PLD3: variants seen among roughly 807,000 people sequenced by gnomAD.
PLD3 encodes the protein phospholipase D family member 3.
Under a neutral mutation model 58.4 loss-of-function variants are expected in PLD3, and 31 were observed. The observed-to-expected ratio is 0.53, with a 90% CI of 0.40 to 0.72. The LOEUF (loss-of-function observed/expected upper bound fraction) is 0.72, where lower values mean the gene tolerates loss of function less well. Among genes scored for constraint, PLD3 ranks in the 30% least tolerant of loss-of-function variants. The pLI, the probability that PLD3 is intolerant of heterozygous loss-of-function variation, is 0.00. For synonymous variants in PLD3, 264 were observed against 273.4 expected (o/e 0.97, Z 0.34); for missense variants, 595 against 659.8 (o/e 0.90, Z 1.08).
chr19:40,371,219 T>C (rs930669302), intron 8 of PLD3, among the ~76,000 whole-genome samples: 2 of 152,168 alleles, frequency 1.3e-5, no homozygotes, highest in African/African-American at 4.8e-5. Flanking sequence ...TCAGCAATTA[T>C]GCAGGGAGAT....
At chr19:40,369,178 G>A (rs1303647902) in intron 6 of PLD3, among the ~76,000 whole-genome samples, 2 of 151,970 alleles carry the variant, frequency 1.3e-5, no homozygotes, top group African/African-American at 4.8e-5. Context: ...CTCCCTGCTG[G>A]CTCCCTCTAA....
At chr19:40,352,734 A>AGGCAGATCACTTGAGCCC (rs2078550204) in intron 1 of PLD3, among the ~76,000 whole-genome samples, 4 of 152,072 alleles carry the variant, frequency 2.6e-5, no homozygotes. Context: ...AGGTTGAGGT[A>AGGCAGATCACTTGAGCCC]GGCAGATCAC....
intron 1 of PLD3, among the ~76,000 whole-genome samples, chr19:40,353,684 T>C (rs2078576180): frequency 1.3e-5 from 2 of 148,456 alleles, no homozygotes; most frequent in African/African-American, 2.5e-5. Context: ...GTTCACACCA[T>C]CCTCCTGCCT....
rs7368 is a variant in PLD3, at chr19:40,378,245, G to A, written c.*72G>A. 3,368 of 1,425,308 alleles carry A rather than the reference G, an allele frequency of 2.4e-3. 38 individuals are homozygous for A. In the African/African-American group the frequency reaches 0.03, roughly 13 times the overall value. The allele number at this position is 1,425,308 out of a possible 1,614,324, so 88.3% of individuals were successfully genotyped here. A position where few individuals can be genotyped will look rare whatever the true frequency, so the allele number is the denominator to read the frequency against. On this transcript the variant is annotated 3_prime_UTR_variant, in exon 13 of 13. Transcript: ENST00000409735. ...CCAGGTGCTCTGGGTCACGGTCCCTGTCCCCGCGCCCCCGCTTCTGTCTGC... is the reference window on the plus strand; with the variant it reads ...CCAGGTGCTCTGGGTCACGGTCCCTATCCCCGCGCCCCCGCTTCTGTCTGC...
chr19:40,370,041 C>T lies in PLD3; in HGVS notation c.550+13C>T. 6.4e-7 allele frequency: 1 copy of T among 1,566,698 alleles called. No individual in the cohort carries two copies. Among genetic ancestry groups the T allele is most frequent in the Non-Finnish European group, 8.7e-7 (1 of 1,156,042 alleles). On this transcript the variant is annotated intron_variant, in intron 7 of 12. Transcript: ENST00000409735. ...CTGCTGCAGAGCGGTGAGCTGGGGC[C>T]CAACTGGGGCTGGTCTGGGCCTGGG...
intron 9 of PLD3, among the ~76,000 whole-genome samples, chr19:40,372,857 C>T (rs1342613639): frequency 1.3e-5 from 2 of 152,114 alleles, no homozygotes; most frequent in African/African-American, 4.8e-5. Flanking sequence ...GGGCAAGAGG[C>T]TGTTGCCCTG....
intron 9 of PLD3, 148 bp downstream of exon 9, chr19:40,372,021 A>G (rs2079079076): frequency 1.5e-6 from 1 of 664,852 alleles, no homozygotes; most frequent in South Asian, 1.8e-5. Context: ...AGGGGCCTGG[A>G]GTAGTTCCCA....
At chr19:40,360,292 C>G (rs1403483189) in intron 1 of PLD3, 2 of 152,498 alleles carry the variant, frequency 1.3e-5, no homozygotes, top group Non-Finnish European at 2.9e-5. Flanking sequence ...GTCCTGTCCA[C>G]CCTTGGCTCC....
intron 6 of PLD3, among the ~76,000 whole-genome samples, chr19:40,368,558 G>A (rs1431211474): frequency 6.6e-6 from 1 of 152,146 alleles, no homozygotes; most frequent in Non-Finnish European, 1.5e-5. Flanking sequence ...TTTGTGAGAA[G>A]TTGTCTTAAA....
At chr19:40,368,350 T>G (rs1033457578) in intron 6 of PLD3, among the ~76,000 whole-genome samples, 1 of 152,198 alleles carries the variant, frequency 6.6e-6, no homozygotes, top group Non-Finnish European at 1.5e-5. Context: ...GACTAATCCA[T>G]GCAAATTTTA....
chr19:40,364,157 C>T (rs1306831746), intron 1 of PLD3, among the ~76,000 whole-genome samples: 1 of 151,576 alleles, frequency 6.6e-6, no homozygotes, highest in Non-Finnish European at 1.5e-5. Context: ...AGTTCGAGAC[C>T]AGCCTGGCCA....
chr19:40,370,424 A>C, intron 8 of PLD3, 187 bp downstream of exon 8: 9 of 535,794 alleles, frequency 1.7e-5, no homozygotes, highest in East Asian at 3.8e-5. Context: ...TATAATCTCA[A>C]CACTTTGGGA....
intron 5 of PLD3, 80 bp downstream of exon 5, chr19:40,366,995 C>G (rs750779268): frequency 2.0e-5 from 29 of 1,458,394 alleles, no homozygotes; most frequent in Middle Eastern, 3.7e-4. Flanking sequence ...ACAGGGCCTG[C>G]ACTCAGCCCT....
chr19:40,350,721 G>A (rs2145653924), intron 1 of PLD3, among the ~76,000 whole-genome samples: 1 of 151,324 alleles, frequency 6.6e-6, no homozygotes, highest in African/African-American at 2.4e-5. Context: ...TCCAGCCTGG[G>A]TGACAGAGTG....
chr19:40,367,598 C>A, intron 5 of PLD3, 98 bp from the exon 6 acceptor site: 1 of 975,356 alleles, frequency 1.0e-6, no homozygotes, highest in Non-Finnish European at 1.5e-6. Flanking sequence ...AAAAAAAATA[C>A]AGTCTATCCA....
intron 1 of PLD3, among the ~76,000 whole-genome samples, chr19:40,349,958 C>CA (rs969019790): frequency 1.2e-4 from 17 of 141,006 alleles, no homozygotes; most frequent in African/African-American, 3.5e-4. Context: ...GACTCCGTCT[C>CA]AAAAAAAAAT....
At position 40,378,329 on chromosome 19, in the gene PLD3, C is replaced by A; in HGVS notation, c.*156C>A. 1 of 755,764 alleles carries A rather than the reference C, an allele frequency of 1.3e-6. No individual in the cohort carries two copies. The allele number at this position is 755,764 out of a possible 1,614,324, so 46.8% of individuals were successfully genotyped here. A position where few individuals can be genotyped will look rare whatever the true frequency, so the allele number is the denominator to read the frequency against. The stretch of plus-strand genomic sequence containing the variant: ...CTCCCACCTCTACCTCCACCCCCAC[C>A]GGCCTGACGCTGTGGCCCCGGGACC... On this transcript the variant is annotated 3_prime_UTR_variant, in exon 13 of 13. Coordinates refer to ENST00000409735, the MANE Select transcript of PLD3 (RefSeq NM_012268.4).
In PLD3 at chr19:40,374,505, A is replaced by C; in HGVS notation, c.904A>C (p.Ser302Arg). 2 of 1,614,118 alleles carry C rather than the reference A, an allele frequency of 1.2e-6. No homozygotes were observed. The highest frequency in any genetic ancestry group is 1.7e-6 in the Non-Finnish European group (2 of 1,180,016). Residue 302 changes from serine to arginine, a missense_variant, in exon 10 of 13, where the codon AGT becomes CGT. By Grantham distance (110) the Ser-to-Arg change is moderately radical. Transcript: ENST00000409735. ...GAGTGCGCCCCCACCCCTGTGTCCA[A>C]GTGGCCGCACTCCAGACCTGAAGGC... ...LASAPPPLCPSGRTPDLKALL... is the reference protein window; with the variant it reads ...LASAPPPLCPRGRTPDLKALL...
At chr19:40,365,344 C>CT (rs1180635801) in intron 1 of PLD3, among the ~76,000 whole-genome samples, 1 of 152,088 alleles carries the variant, frequency 6.6e-6, no homozygotes, top group African/African-American at 2.4e-5. Context: ...TATCAGCTGG[C>CT]TTTTTTTAAA....
Sources: allele counts gnomAD v4.1 joint callset (sites outside exome capture counted in the v4.1 genomes callset), GRCh38; gene constraint gnomAD v4.1.1; transcripts MANE v1.5; gene names NCBI Gene and HGNC (gene_info 2026-07-23, HGNC 2026-07-21).